ADPRHL1: variants seen among roughly 807,000 people sequenced by gnomAD.
ADPRHL1 encodes the protein inactive ADP-ribosyltransferase ARH2.
A neutral mutation model predicts 44.1 loss-of-function variants in ADPRHL1; 43 were observed. The observed-to-expected ratio is 0.98, with a 90% CI of 0.76 to 1.26. The LOEUF is 1.26. ADPRHL1 is among the 50% of genes most tolerant of loss of function. ADPRHL1 has a pLI of 0.00. For missense variants in ADPRHL1, 2,022 were observed against 2,496.9 expected, an observed-to-expected ratio of 0.81 and a Z score of 4.05; for synonymous variants, 878 against 1,017.4, an observed-to-expected ratio of 0.86 and a Z score of 2.61.
intron 1 of ADPRHL1, chr13:113,448,915 T>TGGGAATGGCCAGCTGCATACCCG (rs2044160471): frequency 1.0e-6 from 1 of 983,268 alleles, no homozygotes; most frequent in African/African-American, 1.7e-5. Context: ...GGTAGGGAGC[T>TGGGAATGGCCAGCTGCATACCCG]GGGAATGGCC....
intron 3 of ADPRHL1, among the ~76,000 whole-genome samples, chr13:113,431,421 AG>A (rs2044006455): frequency 6.6e-6 from 1 of 152,150 alleles, no homozygotes. Context: ...GCCCGGCGGG[AG>A]GGCTGCAGCA....
intron 7 of ADPRHL1, chr13:113,421,806 C>T (rs2043925642): frequency 6.6e-6 from 1 of 152,254 alleles, no homozygotes; most frequent in Non-Finnish European, 1.5e-5. Context: ...TCCAACCAAC[C>T]AGGCTTTCTG....
At position 113,423,118 on chromosome 13, in the gene ADPRHL1, G is replaced by C. The variant is rs954991413; in HGVS notation, c.908-139C>G. ...TGATAAAAGGGACAGGCAGGCCAGC[G>C]CGGTGGCTCACGCCTGTCATCCCAG... On this transcript the variant is annotated intron_variant, in intron 6 of 7. Transcript: ENST00000612156. 1.3e-4 allele frequency: 153 copies of C among 1,218,894 alleles called. 1 individual carries two copies. The East Asian group carries it at 3.8e-3, about 30-fold the overall frequency. The allele number at this position is 1,218,894 out of a possible 1,614,324, so 75.5% of individuals were successfully genotyped here.
At chr13:113,449,319 G>C (rs112976909) in intron 1 of ADPRHL1, 17 of 654,448 alleles carry the variant, frequency 2.6e-5, no homozygotes, top group Middle Eastern at 7.5e-4. Flanking sequence ...GCCCCGGTCA[G>C]AGAGGCTCAC....
chr13:113,423,035 G>C (rs1465867252), intron 6 of ADPRHL1, 56 bp from the exon 7 acceptor site: 1 of 1,606,236 alleles, frequency 6.2e-7, no homozygotes, highest in East Asian at 2.2e-5. Flanking sequence ...GCCTCTGCAA[G>C]ACCCCTGGGG....
At chr13:113,451,494 G>A (rs374242349) in intron 1 of ADPRHL1, among the ~76,000 whole-genome samples, 2 of 152,104 alleles carry the variant, frequency 1.3e-5, no homozygotes, top group African/African-American at 4.8e-5. Flanking sequence ...GACCCTGAGA[G>A]CTTAGAGCAA....
intron 1 of ADPRHL1, among the ~76,000 whole-genome samples, chr13:113,446,353 T>C (rs12019795): frequency 0.33 from 50,550 of 151,872 alleles, 10,211 homozygotes; most frequent in African/African-American, 0.56. Context: ...CTCCCGTGGC[T>C]GCAAACCCCC....
chr13:113,448,938 G>C, intron 1 of ADPRHL1: 3 of 985,394 alleles, frequency 3.0e-6, no homozygotes, highest in Non-Finnish European at 3.6e-6. Flanking sequence ...CTGCATACCC[G>C]AGCAATGGCC....
intron 7 of ADPRHL1, among the ~76,000 whole-genome samples, chr13:113,413,815 C>T (rs1462473243): frequency 1.3e-5 from 2 of 152,234 alleles, no homozygotes; most frequent in Admixed American, 6.5e-5. Flanking sequence ...GCAGAACCCA[C>T]AGGGAATGGA....
In ADPRHL1 at chr13:113,435,392, T is replaced by C. The variant is rs865882520; in HGVS notation, c.380-1525A>G. ...GTGAACATAGGTGTACCCCAGGACCTGGCACCCAGGTGTAGAGTGAACACA... is the reference window on the plus strand; with the variant it reads ...GTGAACATAGGTGTACCCCAGGACCCGGCACCCAGGTGTAGAGTGAACACA... On this transcript the variant is annotated intron_variant, in intron 2 of 7. Transcript: ENST00000612156. Among the ~76,000 whole-genome samples the C allele has an allele frequency of 9.9e-3, 689 of 69,560 alleles. 20 individuals are homozygous for C. The highest frequency in any genetic ancestry group is 0.026 in the African/African-American group (424 of 16,072). 45.6% of individuals were successfully genotyped at this position (69,560 alleles called of 152,430 possible).
chr13:113,415,446 C>T (rs542141882), intron 7 of ADPRHL1, among the ~76,000 whole-genome samples: 107 of 152,224 alleles, frequency 7.0e-4, no homozygotes, highest in African/African-American at 2.2e-3. Flanking sequence ...CAGGGTCCAC[C>T]GAATTAGTGT....
chr13:113,422,772 GGGCCCCGGGGTGGAATC>G, intron 7 of ADPRHL1, 37 bp downstream of exon 7: 1 of 1,605,504 alleles, frequency 6.2e-7, no homozygotes. Context: ...AGGGCCCTAC[GGGCCCCGGGGTGGAATC>G]GGCTCTCTAG....
chr13:113,405,894 G>A lies in ADPRHL1; in HGVS notation c.3388C>T (p.Pro1130Ser). Residue 1130 changes from proline to serine, a missense_variant, in exon 8 of 8, where the codon CCA becomes TCA. Pro to Ser is a moderately conservative substitution (Grantham distance 74). This residue lies in a region of ADPRHL1 where 1,221 missense variants were observed against 1,517.8 expected (regional missense o/e 0.80). Transcript: ENST00000612156. Reference protein sequence around the residue: ...VASRATPAPAPGSTQSPGDRT... With the variant: ...VASRATPAPASGSTQSPGDRT... ...TCTCCAGGGCTCTGGGTGCTGCCTG[G>A]CGCTGGTGCAGGCGTGGCGCGGCTC... 8.1e-7 allele frequency: 1 copy of A among 1,232,024 alleles called. No individual in the cohort carries two copies. The highest frequency in any genetic ancestry group is 1.0e-6 in the Non-Finnish European group (1 of 988,036). 76.3% of individuals were successfully genotyped at this position (1,232,024 alleles called of 1,614,324 possible). A position where few individuals can be genotyped will look rare whatever the true frequency, so the allele number is the denominator to read the frequency against.
rs557610561 is a variant in ADPRHL1, at chr13:113,452,091, G to C, written c.214+1133C>G. Among the ~76,000 whole-genome samples the C allele has an allele frequency of 1.1e-4, 16 of 152,290 alleles. No homozygotes were observed. In the South Asian group the frequency reaches 3.3e-3, roughly 32 times the overall value. On this transcript the variant is annotated intron_variant, in intron 1 of 7. Transcript: ENST00000612156. Reference sequence around the variant, plus strand: ...TCAAGAGTGAGCTCCAGCCGTCTACGGTGAAAACAAGCCGGAGCTGTGTCC... The same window carrying C: ...TCAAGAGTGAGCTCCAGCCGTCTACCGTGAAAACAAGCCGGAGCTGTGTCC...
intron 7 of ADPRHL1, chr13:113,421,905 AAG>A (rs893452303): frequency 4.6e-5 from 7 of 152,202 alleles, no homozygotes; most frequent in African/African-American, 1.7e-4. Flanking sequence ...TCACAACAAA[AAG>A]AGAGGCCCTA....
intron 1 of ADPRHL1, among the ~76,000 whole-genome samples, chr13:113,447,594 ATGT>A (rs368945980): frequency 0.038 from 2,772 of 72,578 alleles, 51 homozygotes; most frequent in Middle Eastern, 0.043. Context: ...GTCTACACAC[ATGT>A]TGTCTGCACA....
Position 113,409,867 on chromosome 13 carries a change from C to T in ADPRHL1, c.1062-1647G>A, listed in dbSNP as rs1218896285. Reference sequence around the variant, plus strand: ...TCGCACCACTGCACTCCAGCCTGAGCGACAGAGCGAGACTCCGTCTCAAAA... The same window carrying T: ...TCGCACCACTGCACTCCAGCCTGAGTGACAGAGCGAGACTCCGTCTCAAAA... On this transcript the variant is annotated intron_variant, in intron 7 of 7. Transcript: ENST00000612156. The surrounding 1 kb of genome is among the most constrained non-coding windows in gnomAD (Gnocchi z 4.2). The T allele has an allele frequency of 3.0e-5, 27 of 908,154 alleles. No individual in the cohort carries two copies. The highest frequency in any genetic ancestry group is 5.9e-4 in the Middle Eastern group (1 of 1,706). 56.3% of individuals were successfully genotyped at this position (908,154 alleles called of 1,614,324 possible). A position where few individuals can be genotyped will look rare whatever the true frequency, so the allele number is the denominator to read the frequency against.
At position 113,453,357 on chromosome 13, in the gene ADPRHL1, G is replaced by A. The variant is rs1375789718; in HGVS notation, c.81C>T (p.Ser27=). ...CCTCCTGGATCTTCATGCCTACAGT[G>A]CTGTTCTCCTTGCAGACATTTCTGT... ...LGYRNVCKEN[S]TVGMKIQEEL... The change falls in exon 1 of 8, where the codon AGC becomes AGT. Residue 27 remains serine, a synonymous_variant. Coordinates refer to ENST00000612156, the MANE Select transcript of ADPRHL1 (RefSeq NM_001394807.1). This position sits in a 1 kb window ranked among gnomAD's most constrained non-coding sequence, Gnocchi z 5.4. 6.2e-7 allele frequency: 1 copy of A among 1,614,184 alleles called. No homozygotes were observed. Among genetic ancestry groups the A allele is most frequent in the Admixed American group, 1.7e-5 (1 of 60,030 alleles).
intron 7 of ADPRHL1, among the ~76,000 whole-genome samples, chr13:113,414,533 C>G (rs1418115855): frequency 6.6e-6 from 1 of 151,790 alleles, no homozygotes; most frequent in East Asian, 1.9e-4. Context: ...ACAGGCCTGT[C>G]TGGGGGCACA....
Sources: allele counts gnomAD v4.1 joint callset (sites outside exome capture counted in the v4.1 genomes callset), GRCh38; gene constraint gnomAD v4.1.1; regional missense constraint gnomAD v4.1.1; non-coding constraint Gnocchi (gnomAD v3.1); transcripts MANE v1.5; gene names NCBI Gene and HGNC (gene_info 2026-07-23, HGNC 2026-07-21).